HECW2: variants seen among roughly 807,000 people sequenced by gnomAD.
HECW2 encodes the protein HECT, C2 and WW domain containing E3 ubiquitin protein ligase 2.
HECW2 carries 61 observed loss-of-function variants against 175.2 expected under a neutral mutation model. The observed-to-expected ratio is 0.35, with a 90% confidence interval of 0.28 to 0.43. The LOEUF (loss-of-function observed/expected upper bound fraction) is 0.43, where lower values mean the gene tolerates loss of function less well. Among genes scored for constraint, HECW2 ranks in the 20% least tolerant of loss-of-function variants. HECW2 has a pLI of 1.00. For missense variants in HECW2, 1,524 were observed against 2,000.5 expected (o/e 0.76, Z 4.54); for synonymous variants, 671 against 731.0 (o/e 0.92, Z 1.32).
intron 1 of HECW2, among the ~76,000 whole-genome samples, chr2:196,479,037 C>T (rs185796110): frequency 4.6e-5 from 7 of 152,328 alleles, no homozygotes; most frequent in Admixed American, 2.6e-4. Flanking sequence ...AGAGCATCAG[C>T]TCACTCCACT....
chr2:196,482,738 C>T (rs1330486993), intron 1 of HECW2, among the ~76,000 whole-genome samples: 1 of 152,146 alleles, frequency 6.6e-6, no homozygotes, highest in African/African-American at 2.4e-5. Flanking sequence ...GCTCCACTGT[C>T]CTATTGGACT....
chr2:196,281,970 TGA>T (rs1377594276), intron 14 of HECW2, among the ~76,000 whole-genome samples: 2 of 152,224 alleles, frequency 1.3e-5, no homozygotes, highest in African/African-American at 4.8e-5. Flanking sequence ...GAAGGTTAAC[TGA>T]GATAGTTCAT....
chr2:196,216,495 C>G (rs1226911910), intron 27 of HECW2, among the ~76,000 whole-genome samples: 1 of 149,384 alleles, frequency 6.7e-6, no homozygotes, highest in Non-Finnish European at 1.5e-5. Flanking sequence ...TGCAACTGAT[C>G]AGTAATTGTC....
rs542805465 is a variant in HECW2 at position 196,243,129 on chromosome 2, G to A, written c.3530-925C>T. Among the ~76,000 whole-genome samples, 67 of 151,552 alleles carry A rather than the reference G, an allele frequency of 4.4e-4. 1 individual carries two copies. Among genetic ancestry groups the A allele is most frequent in the Middle Eastern group, 3.4e-3 (1 of 292 alleles). On this transcript the variant is annotated intron_variant, in intron 19 of 28. Coordinates refer to ENST00000644978, the MANE Select transcript of HECW2 (RefSeq NM_001348768.2). ...CACCTGTCTCACTTGCACAAAGTGC[G>A]CACTTGCACAAAGAATAAATAATAT...
intron 1 of HECW2, among the ~76,000 whole-genome samples, chr2:196,459,002 GAA>G (rs1696629756): frequency 6.6e-6 from 1 of 152,320 alleles, no homozygotes; most frequent in South Asian, 2.1e-4. Context: ...AGGATTTACA[GAA>G]TAAGGAATGA....
At chr2:196,268,167 T>C (rs1558996908) in intron 17 of HECW2, among the ~76,000 whole-genome samples, 1 of 152,194 alleles carries the variant, frequency 6.6e-6, no homozygotes, top group Admixed American at 6.5e-5. Context: ...AAGCAAAATA[T>C]TTAACTCCCA....
At chr2:196,570,228 A>G (rs1323723854) in intron 1 of HECW2, among the ~76,000 whole-genome samples, 2 of 152,224 alleles carry the variant, frequency 1.3e-5, no homozygotes, top group Non-Finnish European at 2.9e-5. Context: ...GATGATCCTT[A>G]TGGTACTTTA....
chr2:196,229,907 A>G (rs1376743182), intron 21 of HECW2, among the ~76,000 whole-genome samples: 3 of 152,248 alleles, frequency 2.0e-5, no homozygotes, highest in Non-Finnish European at 4.4e-5. Flanking sequence ...AATGTACCTT[A>G]AAATGAATAC....
At position 196,487,054 on chromosome 2, in the gene HECW2, C is replaced by T. The variant is rs1407737412; in HGVS notation, c.-35-53596G>A. 4.6e-5 allele frequency among the ~76,000 whole-genome samples: 7 copies of T among 150,934 alleles called. No individual in the cohort carries two copies. The East Asian group carries it at 5.9e-4, about 13-fold the overall frequency. ...GTCCCAGCTACTTGGGAGGCTGCGG[C>T]AGGAGAATCGCTTGAACCCAGGAGA... On this transcript the variant is annotated intron_variant, in intron 1 of 28. Transcript: ENST00000644978.
At chr2:196,523,155 G>A (rs1374210551) in intron 1 of HECW2, among the ~76,000 whole-genome samples, 1 of 152,028 alleles carries the variant, frequency 6.6e-6, no homozygotes, top group Non-Finnish European at 1.5e-5. Flanking sequence ...TTATTTCATT[G>A]AGCAGTGGTT....
rs1686662736 is a variant in HECW2 at position 196,195,732 on chromosome 2, AT to A, written c.*5544del. On this transcript the variant is annotated 3_prime_UTR_variant, in exon 29 of 29. Coordinates refer to ENST00000644978, the MANE Select transcript of HECW2 (RefSeq NM_001348768.2). Reference sequence around the variant, plus strand: ...ATGAAATAAAAGCACCCTTTCTTTCATTTCATACATGGTGTTCAATAATAGT... The same window carrying A: ...ATGAAATAAAAGCACCCTTTCTTTCATTCATACATGGTGTTCAATAATAGT... The A allele has an allele frequency of 2.6e-5, 4 of 152,252 alleles. 1 individual carries two copies. The highest frequency in any genetic ancestry group is 9.6e-5 in the African/African-American group (4 of 41,464). 9.4% of individuals were successfully genotyped at this position (152,252 alleles called of 1,614,324 possible).
rs984446019 is a variant in HECW2, at chr2:196,439,497, T to G, written c.-35-6039A>C. 2.6e-5 allele frequency among the ~76,000 whole-genome samples: 4 copies of G among 152,326 alleles called. No individual in the cohort carries two copies. The South Asian group carries it at 8.3e-4, about 32-fold the overall frequency. On this transcript the variant is annotated intron_variant, in intron 1 of 28. Transcript: ENST00000644978. ...TAGCCACATTAGGTCATACAGGCCT[T>G]GAGTTACAGCTTAAGAAACTCAACC...
intron 2 of HECW2, among the ~76,000 whole-genome samples, chr2:196,430,704 G>C (rs1695684803): frequency 1.3e-5 from 2 of 152,132 alleles, no homozygotes; most frequent in African/African-American, 4.8e-5. Context: ...CAAAGTTAGT[G>C]AACTTGAAGA....
intron 1 of HECW2, among the ~76,000 whole-genome samples, chr2:196,482,873 C>A (rs1331265315): frequency 2.0e-5 from 3 of 152,214 alleles, no homozygotes; most frequent in Non-Finnish European, 4.4e-5. Context: ...ACTGGTTACA[C>A]ATCGCAACAC....
At chr2:196,331,776 C>G (rs1692371180) in intron 4 of HECW2, among the ~76,000 whole-genome samples, 1 of 152,154 alleles carries the variant, frequency 6.6e-6, no homozygotes, top group South Asian at 2.1e-4. Flanking sequence ...CCAAATAATT[C>G]AATTTTTATC....
chr2:196,578,997 G>A (rs548143865), intron 1 of HECW2, among the ~76,000 whole-genome samples: 2 of 152,026 alleles, frequency 1.3e-5, no homozygotes, highest in African/African-American at 4.8e-5. Flanking sequence ...AATGACAATT[G>A]CATAAAGCAA....
intron 1 of HECW2, among the ~76,000 whole-genome samples, chr2:196,525,794 T>G (rs1575637014): frequency 7.8e-6 from 1 of 128,186 alleles, no homozygotes; most frequent in African/African-American, 3.0e-5. Flanking sequence ...TTAAGAATGT[T>G]GAATATTGGC....
chr2:196,434,187 A>C (rs977020717), intron 1 of HECW2, among the ~76,000 whole-genome samples: 1 of 152,188 alleles, frequency 6.6e-6, no homozygotes, highest in Non-Finnish European at 1.5e-5. Flanking sequence ...CTTTATCCCC[A>C]GTGTCTACAA....
intron 2 of HECW2, among the ~76,000 whole-genome samples, chr2:196,402,152 G>C (rs553324928): frequency 8.2e-6 from 1 of 122,462 alleles, no homozygotes; most frequent in African/African-American, 3.0e-5. Context: ...AGTGAGCCGA[G>C]ATGGCACCAC....
Sources: allele counts gnomAD v4.1 joint callset (sites outside exome capture counted in the v4.1 genomes callset), GRCh38; gene constraint gnomAD v4.1.1; transcripts MANE v1.5; gene names NCBI Gene and HGNC (gene_info 2026-07-23, HGNC 2026-07-21).